The following CSMD1 variants were observed in gnomAD, a reference collection of about 807,000 sequenced individuals.
The protein encoded by CSMD1 is CUB and sushi domain-containing protein 1.
A neutral mutation model predicts 417.5 loss-of-function variants in CSMD1; 213 were observed. The ratio of observed to expected loss-of-function variants is 0.51; its 90% CI spans 0.46 to 0.57. The LOEUF is 0.57. Among genes scored for constraint, CSMD1 ranks in the 20% least tolerant of loss-of-function variants. CSMD1 has a pLI of 0.00. For missense variants in CSMD1, 6,923 were observed against 4,529.7 expected (o/e 1.53, Z -15.17); for synonymous variants, 2,862 against 1,736.8 (o/e 1.65, Z -16.11).
In CSMD1 at chr8:3,241,412, G is replaced by C. The variant is rs558054402; in HGVS notation, c.4154-11181C>G. Among the ~76,000 whole-genome samples the C allele has an allele frequency of 1.9e-4, 29 of 152,250 alleles. No individual in the cohort carries two copies. The East Asian group carries it at 4.6e-3, about 24-fold the overall frequency. On this transcript the variant is annotated intron_variant, in intron 26 of 69. Coordinates refer to ENST00000635120, the MANE Select transcript of CSMD1 (RefSeq NM_033225.6). ...GGGACGGTCTTACCCTCCACTGTGA[G>C]AGTTACCTAAAGCTCGGCATCTGTG...
intron 12 of CSMD1, among the ~76,000 whole-genome samples, chr8:3,426,292 T>G (rs1164743425): frequency 6.6e-6 from 1 of 152,222 alleles, no homozygotes; most frequent in Non-Finnish European, 1.5e-5. Flanking sequence ...TTCTTGATCA[T>G]CAATTTTTTT....
At chr8:3,784,393 C>A (rs1258292365) in intron 5 of CSMD1, among the ~76,000 whole-genome samples, 1 of 152,008 alleles carries the variant, frequency 6.6e-6, no homozygotes, top group African/African-American at 2.4e-5. Flanking sequence ...ATTCTTCAGC[C>A]CAGAAATAAC....
intron 10 of CSMD1, among the ~76,000 whole-genome samples, chr8:3,496,410 C>T (rs1219064753): frequency 6.6e-6 from 1 of 152,138 alleles, no homozygotes; most frequent in Non-Finnish European, 1.5e-5. Context: ...CCTCAACCTA[C>T]AAGAACTCAC....
intron 1 of CSMD1, among the ~76,000 whole-genome samples, chr8:4,946,592 C>G (rs767144843): frequency 2.6e-5 from 4 of 152,134 alleles, no homozygotes; most frequent in Admixed American, 6.5e-5. Flanking sequence ...ACACTAAATT[C>G]TAGGCTTATG....
intron 5 of CSMD1, among the ~76,000 whole-genome samples, chr8:3,905,950 C>T (rs1222980221): frequency 1.3e-5 from 2 of 152,162 alleles, no homozygotes; most frequent in African/African-American, 4.8e-5. Context: ...GCCCCTCAAC[C>T]ATACCTTTTG....
At chr8:4,197,976 T>A (rs1216813852) in intron 3 of CSMD1, among the ~76,000 whole-genome samples, 1 of 152,208 alleles carries the variant, frequency 6.6e-6, no homozygotes, top group Non-Finnish European at 1.5e-5. Context: ...ACTCTGGGAA[T>A]AAAGTAATGA....
intron 5 of CSMD1, among the ~76,000 whole-genome samples, chr8:3,764,174 A>T: frequency 6.6e-6 from 1 of 152,228 alleles, no homozygotes; most frequent in East Asian, 1.9e-4. Flanking sequence ...CCCCTCCTCC[A>T]TTTAGATTTG....
At chr8:4,705,352 CT>C (rs1205445439) in intron 1 of CSMD1, among the ~76,000 whole-genome samples, 4 of 152,134 alleles carry the variant, frequency 2.6e-5, no homozygotes, top group Non-Finnish European at 4.4e-5. Flanking sequence ...AACATACTTT[CT>C]GGAAACCATG....
chr8:4,469,188 G>C (rs998554861), intron 2 of CSMD1, among the ~76,000 whole-genome samples: 1 of 152,124 alleles, frequency 6.6e-6, no homozygotes, highest in East Asian at 1.9e-4. Context: ...CAGTGGCAGG[G>C]ACCTAGAAAT....
At chr8:3,283,259 T>G (rs1425189080) in intron 26 of CSMD1, among the ~76,000 whole-genome samples, 1 of 152,046 alleles carries the variant, frequency 6.6e-6, no homozygotes, top group Non-Finnish European at 1.5e-5. Flanking sequence ...ATTAGCAGGT[T>G]GTTTGCAGAG....
Position 3,965,657 on chromosome 8 carries a change from G to A in CSMD1, c.818+32246C>T, listed in dbSNP as rs577190662. Among the ~76,000 whole-genome samples, 19 of 151,640 alleles carry A rather than the reference G, an allele frequency of 1.3e-4. No homozygotes were observed. The East Asian group carries it at 1.5e-3, about 12-fold the overall frequency. ...TTTTGAAATGGAGTCTCACCCTGTC[G>A]CCCAGGCTGGAGTGCAATGGTGCCA... On this transcript the variant is annotated intron_variant, in intron 5 of 69. Coordinates refer to ENST00000635120, the MANE Select transcript of CSMD1 (RefSeq NM_033225.6).
chr8:4,720,921 C>A (rs934356917), intron 1 of CSMD1, among the ~76,000 whole-genome samples: 1 of 152,166 alleles, frequency 6.6e-6, no homozygotes, highest in African/African-American at 2.4e-5. Context: ...AACATCTTAA[C>A]TTTCGTGAAT....
At chr8:4,684,887 C>G (rs1029618728) in intron 1 of CSMD1, among the ~76,000 whole-genome samples, 2 of 152,134 alleles carry the variant, frequency 1.3e-5, no homozygotes, top group African/African-American at 4.8e-5. Context: ...ACTAATCAAT[C>G]ACTTACTCAA....
intron 3 of CSMD1, among the ~76,000 whole-genome samples, chr8:4,221,378 GAA>G (rs11340375): frequency 0.079 from 10,579 of 134,690 alleles, 401 homozygotes; most frequent in East Asian, 0.11. Flanking sequence ...AGGAAAGTGA[GAA>G]AAAAAAAAAA....
Position 3,935,904 on chromosome 8 carries a change from C to G in CSMD1, c.818+61999G>C, listed in dbSNP as rs559524102. On this transcript the variant is annotated intron_variant, in intron 5 of 69. Transcript: ENST00000635120. ...AAAGTATACTTAAAGATGAGACAGG[C>G]TGAAAACTAAGCCTCCTGCACTAAA... Among the ~76,000 whole-genome samples, 6 of 152,278 alleles carry G rather than the reference C, an allele frequency of 3.9e-5. No homozygotes were observed. In the South Asian group the frequency reaches 1.2e-3, roughly 32 times the overall value.
At chr8:3,065,736 T>C (rs1197026723) in intron 49 of CSMD1, among the ~76,000 whole-genome samples, 1 of 152,212 alleles carries the variant, frequency 6.6e-6, no homozygotes, top group Non-Finnish European at 1.5e-5. Context: ...ACAAAGCATC[T>C]GATAAGTATT....
intron 12 of CSMD1, among the ~76,000 whole-genome samples, chr8:3,457,548 G>C (rs73174848): frequency 1.3e-5 from 2 of 152,142 alleles, no homozygotes; most frequent in East Asian, 1.9e-4. Flanking sequence ...CTGGCTTAGA[G>C]GCAAGAGGAT....
intron 3 of CSMD1, among the ~76,000 whole-genome samples, chr8:4,261,347 A>G (rs1172073397): frequency 6.6e-6 from 1 of 152,124 alleles, no homozygotes; most frequent in Non-Finnish European, 1.5e-5. Flanking sequence ...TAGATGTGGA[A>G]TCTAAGAACA....
chr8:3,944,117 T>G (rs1811071640), intron 5 of CSMD1, among the ~76,000 whole-genome samples: 1 of 152,180 alleles, frequency 6.6e-6, no homozygotes, highest in African/African-American at 2.4e-5. Context: ...GATAAAATAT[T>G]AATATTTGGG....
Sources: allele counts gnomAD v4.1 joint callset (sites outside exome capture counted in the v4.1 genomes callset), GRCh38; gene constraint gnomAD v4.1.1; transcripts MANE v1.5; gene names NCBI Gene and HGNC (gene_info 2026-07-23, HGNC 2026-07-21).